The following RNF150 variants were observed in gnomAD, a reference collection of about 807,000 sequenced individuals.
RNF150 encodes the protein ring finger protein 150.
RNF150 carries 24 observed loss-of-function variants against 39.3 expected under a neutral mutation model. That is an observed-to-expected ratio of 0.61 (90% CI 0.44 to 0.86). The LOEUF is 0.86. RNF150 is among the 40% of genes least tolerant of loss of function. The probability of loss-of-function intolerance (pLI) is 0.00; values close to 1 mark genes in which losing one functional copy is unlikely to be tolerated. For missense variants in RNF150, 502 were observed against 587.8 expected, an observed-to-expected ratio of 0.85 and a Z score of 1.51; for synonymous variants, 255 against 227.3, an observed-to-expected ratio of 1.12 and a Z score of -1.10.
At chr4:140,988,082 G>A (rs1734070932) in intron 1 of RNF150, among the ~76,000 whole-genome samples, 1 of 151,932 alleles carries the variant, frequency 6.6e-6, no homozygotes, top group Admixed American at 6.6e-5. Context: ...CAATGGCTGT[G>A]ATTAAAAAGT....
intron 2 of RNF150, among the ~76,000 whole-genome samples, chr4:140,952,015 T>C (rs1578997830): frequency 6.6e-6 from 1 of 152,166 alleles, no homozygotes; most frequent in African/African-American, 2.4e-5. Flanking sequence ...GAAATAATTT[T>C]TTTTTTCTTT....
chr4:140,935,046 A>AATATATATATATT (rs3033124), intron 4 of RNF150, among the ~76,000 whole-genome samples: 14 of 93,668 alleles, frequency 1.5e-4, no homozygotes, highest in Non-Finnish European at 2.7e-4. Flanking sequence ...TATATATATA[A>AATATATATATATT]ATATATATAT....
At chr4:141,162,806 C>G (rs977421101) in intron 1 of RNF150, among the ~76,000 whole-genome samples, 1 of 152,180 alleles carries the variant, frequency 6.6e-6, no homozygotes, top group Non-Finnish European at 1.5e-5. Flanking sequence ...GTCTTTGCAA[C>G]CCACAAACCA....
intron 1 of RNF150, among the ~76,000 whole-genome samples, chr4:141,040,838 T>A (rs1736330228): frequency 6.6e-6 from 1 of 152,152 alleles, no homozygotes; most frequent in Non-Finnish European, 1.5e-5. Flanking sequence ...CAGCATTAAT[T>A]TTAAAATGTC....
Position 140,992,349 on chromosome 4 carries a change from G to GA in RNF150, c.485-24477dup, listed in dbSNP as rs144570108. ...CATGCCACTGCACTCAAACCTGGGT[G>GA]AAGAGTGAGATCCCATCTCTACAAA... On this transcript the variant is annotated intron_variant, in intron 1 of 6. Coordinates refer to ENST00000515673, the MANE Select transcript of RNF150 (RefSeq NM_020724.2). Among the ~76,000 whole-genome samples, 1,235 of 152,176 alleles carry GA rather than the reference G, an allele frequency of 8.1e-3. 16 individuals are homozygous for GA. The highest frequency in any genetic ancestry group is 0.028 in the African/African-American group (1,160 of 41,500).
intron 4 of RNF150, among the ~76,000 whole-genome samples, chr4:140,939,885 T>C (rs1243122334): frequency 2.8e-4 from 42 of 152,216 alleles, no homozygotes; most frequent in Admixed American, 2.7e-3. Context: ...GGTTTACCCC[T>C]GAATCTCTGT....
intron 1 of RNF150, among the ~76,000 whole-genome samples, chr4:140,989,970 T>G (rs1734139996): frequency 6.6e-6 from 1 of 152,180 alleles, no homozygotes; most frequent in Admixed American, 6.6e-5. Context: ...ATAAAAAGAC[T>G]GGCAAGTAAC....
chr4:141,027,705 G>C (rs1416997736), intron 1 of RNF150, among the ~76,000 whole-genome samples: 1 of 152,094 alleles, frequency 6.6e-6, no homozygotes, highest in Non-Finnish European at 1.5e-5. Context: ...AGCAACCTCA[G>C]AAGCTATGGA....
intron 1 of RNF150, among the ~76,000 whole-genome samples, chr4:141,131,375 C>T (rs1249543981): frequency 6.6e-6 from 1 of 152,248 alleles, no homozygotes; most frequent in East Asian, 1.9e-4. Context: ...CTCAGGCACA[C>T]AAATACAAGC....
intron 1 of RNF150, among the ~76,000 whole-genome samples, chr4:141,204,288 G>A: frequency 6.6e-6 from 1 of 152,242 alleles, no homozygotes; most frequent in East Asian, 1.9e-4. Flanking sequence ...AGTGAGAACA[G>A]AACAAAAGTT....
intron 1 of RNF150, among the ~76,000 whole-genome samples, chr4:140,973,344 A>G (rs917102558): frequency 7.9e-5 from 12 of 152,174 alleles, no homozygotes; most frequent in African/African-American, 2.9e-4. Flanking sequence ...TCTGTTTATG[A>G]GAGAACTCAG....
intron 1 of RNF150, among the ~76,000 whole-genome samples, chr4:141,056,967 G>C (rs1170949297): frequency 6.6e-6 from 1 of 152,054 alleles, no homozygotes; most frequent in East Asian, 1.9e-4. Context: ...AGTTACTTAA[G>C]AATGAAGGGC....
chr4:141,139,864 A>G (rs1469707298), intron 1 of RNF150, among the ~76,000 whole-genome samples: 1 of 152,180 alleles, frequency 6.6e-6, no homozygotes, highest in Non-Finnish European at 1.5e-5. Context: ...TTTAAGGGCT[A>G]TACTACCACA....
rs11100708 is a variant in RNF150, at chr4:141,176,648, C to T, written c.-6+36146G>A. On this transcript the variant is annotated intron_variant, in intron 1 of 7. Coordinates refer to the RNF150 transcript ENST00000420921. The stretch of plus-strand genomic sequence containing the variant: ...ACTTCCTTGTCTTTTAACTTCATAA[C>T]AGGCAAAATAACTCATTTGATGCCT... Among the ~76,000 whole-genome samples, 284 of 152,282 alleles carry T rather than the reference C, an allele frequency of 1.9e-3. 1 individual carries two copies. The highest frequency in any genetic ancestry group is 3.8e-3 in the Admixed American group (58 of 15,294).
At chr4:140,882,332 C>G (rs933531079) in intron 6 of RNF150, among the ~76,000 whole-genome samples, 2 of 152,144 alleles carry the variant, frequency 1.3e-5, no homozygotes, top group African/African-American at 2.4e-5. Context: ...TTTCTTAAGA[C>G]TTGTTTTGTG....
At chr4:140,886,017 T>C (rs983565336) in intron 6 of RNF150, among the ~76,000 whole-genome samples, 1 of 151,856 alleles carries the variant, frequency 6.6e-6, no homozygotes, top group Non-Finnish European at 1.5e-5. Context: ...AGTGAAACCC[T>C]GTCTCTACTG....
At chr4:140,914,450 T>C (rs1263178431) in intron 5 of RNF150, among the ~76,000 whole-genome samples, 1 of 152,248 alleles carries the variant, frequency 6.6e-6, no homozygotes, top group African/African-American at 2.4e-5. Flanking sequence ...CAAGTTAGCA[T>C]GGGAAACCCC....
At chr4:141,138,490 ATTACT>A (rs1002761941) in intron 1 of RNF150, among the ~76,000 whole-genome samples, 5 of 152,350 alleles carry the variant, frequency 3.3e-5, no homozygotes, top group African/African-American at 4.8e-5. Flanking sequence ...GAGAATTCAC[ATTACT>A]TTATGTGTAA....
At chr4:141,079,664 G>C (rs1738075034) in intron 1 of RNF150, among the ~76,000 whole-genome samples, 1 of 152,236 alleles carries the variant, frequency 6.6e-6, no homozygotes, top group South Asian at 2.1e-4. Flanking sequence ...GATTTGGAGG[G>C]AGGTCAGACA....
Sources: allele counts gnomAD v4.1 joint callset (sites outside exome capture counted in the v4.1 genomes callset), GRCh38; gene constraint gnomAD v4.1.1; transcripts MANE v1.5; gene names NCBI Gene and HGNC (gene_info 2026-07-23, HGNC 2026-07-21).